The following LARP7 variants were observed in gnomAD, a reference collection of about 807,000 sequenced individuals.
The protein encoded by LARP7 is La ribonucleoprotein 7, transcriptional regulator.
In LARP7, 52 loss-of-function variants were observed where a neutral mutation model predicts 69.3. The ratio of observed to expected loss-of-function variants is 0.75; its 90% CI spans 0.60 to 0.95. LARP7 has a LOEUF of 0.95. Among genes scored for constraint, LARP7 ranks in the 40% least tolerant of loss-of-function variants. LARP7 has a pLI of 0.00. For synonymous variants in LARP7, 254 were observed against 215.9 expected (o/e 1.18, Z -1.55); for missense variants, 733 against 673.0 (o/e 1.09, Z -0.99).
intron 10 of LARP7, 118 bp downstream of exon 10, chr4:112,650,700 T>G: frequency 4.7e-6 from 5 of 1,069,182 alleles, no homozygotes; most frequent in Non-Finnish European, 6.6e-6. Flanking sequence ...TTCCCTATGG[T>G]AAACTACTGT....
In LARP7 at chr4:112,646,967, T is replaced by C; in HGVS notation, c.552+12T>C. Reference sequence around the variant, plus strand: ...CAAAAGCAATTGAGGTAAGTCCAGATCCTAAAAAAAAAAAAAGAAAGAAAA... The same window carrying C: ...CAAAAGCAATTGAGGTAAGTCCAGACCCTAAAAAAAAAAAAAGAAAGAAAA... On this transcript the variant is annotated intron_variant, in intron 5 of 12. Transcript: ENST00000344442. The C allele has an allele frequency of 6.4e-7, 1 of 1,571,448 alleles. No homozygotes were observed. Among genetic ancestry groups the C allele is most frequent in the Non-Finnish European group, 8.6e-7 (1 of 1,168,976 alleles).
intron 2 of LARP7, among the ~76,000 whole-genome samples, 158 bp from the exon 3 acceptor site, chr4:112,646,193 G>A (rs564880777): frequency 9.9e-5 from 15 of 152,144 alleles, no homozygotes; most frequent in Non-Finnish European, 1.9e-4. Flanking sequence ...TGGCCAGGCT[G>A]GTCTTGAACT....
intron 11 of LARP7, 127 bp downstream of exon 11, chr4:112,653,363 A>G (rs1181294161): frequency 4.5e-5 from 29 of 643,046 alleles, no homozygotes; most frequent in African/African-American, 9.5e-5. Flanking sequence ...AGGCTGGAGT[A>G]CAGTGGTGTG....
rs754363057 is a variant in LARP7 at position 112,646,356 on chromosome 4, G to A, written c.208G>A (p.Asp70Asn). The A allele has an allele frequency of 4.2e-6, 6 of 1,424,744 alleles. No individual in the cohort carries two copies. The highest frequency in any genetic ancestry group is 5.9e-6 in the Non-Finnish European group (6 of 1,016,386). The allele number at this position is 1,424,744 out of a possible 1,614,324, so 88.3% of individuals were successfully genotyped here. The change falls in exon 3 of 13, where the codon GAT becomes AAT. Residue 70 changes from aspartate to asparagine, a missense_variant. Physicochemically the swap from Asp to Asn is conservative, Grantham distance 23 (BLOSUM62 1). Coordinates refer to ENST00000344442, the MANE Select transcript of LARP7 (RefSeq NM_016648.4). ...AACTTTTTCATTTTCTTTAGATGTTGATATATCACTACTTGTGTCTTTTAA... is the reference window on the plus strand; with the variant it reads ...AACTTTTTCATTTTCTTTAGATGTTAATATATCACTACTTGTGTCTTTTAA... ...QIEKSRDGYV[D>N]ISLLVSFNKM... is the part of the protein sequence containing the mutation.
At chr4:112,657,062 T>C (rs368961652) in intron 12 of LARP7, among the ~76,000 whole-genome samples, 185 bp from the exon 13 acceptor site, 8 of 152,184 alleles carry the variant, frequency 5.3e-5, no homozygotes, top group South Asian at 2.1e-4. Context: ...CAGATTTGAT[T>C]TGTAATTGAT....
intron 8 of LARP7, chr4:112,648,546 G>C (rs1413992790): frequency 7.6e-6 from 4 of 526,978 alleles, no homozygotes; most frequent in Middle Eastern, 3.2e-4. Context: ...CCATGTTAAA[G>C]TTGAAGGGAG....
At chr4:112,653,054 C>T (rs2048815396) in intron 10 of LARP7, 23 bp from the exon 11 acceptor site, 2 of 1,545,392 alleles carry the variant, frequency 1.3e-6, no homozygotes, top group East Asian at 2.3e-5. Context: ...TTTTATTTGT[C>T]TTTCTACTTA....
rs1326118971 is a variant in LARP7, at chr4:112,644,771, G to T, written c.102G>T (p.Val34=). 6.2e-7 allele frequency: 1 copy of T among 1,608,514 alleles called. No individual in the cohort carries two copies. The highest frequency in any genetic ancestry group is 1.7e-5 in the Admixed American group (1 of 59,800). The change falls in exon 2 of 13, where the codon GTG becomes GTT. Residue 34 remains valine (V), a synonymous_variant. Transcript: ENST00000344442. The stretch of plus-strand genomic sequence containing the variant: ...AGAAACGGTCACGAGTTAAACAGGT[G>T]CTTGCAGATATTGCTAAGCAAGTGG... ...EKKKRSRVKQ[V]LADIAKQVDF...
chr4:112,641,293 G>T (rs2149250508), intron 1 of LARP7, among the ~76,000 whole-genome samples: 1 of 151,936 alleles, frequency 6.6e-6, no homozygotes, highest in East Asian at 1.9e-4. Flanking sequence ...GGGAGTTAAG[G>T]CAGGAGAATC....
chr4:112,648,852 T>TG (rs889082748), intron 8 of LARP7: 2 of 35,520 alleles, frequency 5.6e-5, no homozygotes, highest in Non-Finnish European at 1.3e-4. Flanking sequence ...GTCTGGATCC[T>TG]TTTTTTTTTT....
In LARP7 at chr4:112,657,242, TTTAG is replaced by T. The variant is rs778909076; in HGVS notation, c.1669-1_1671del. 5.8e-6 allele frequency: 9 copies of T among 1,540,866 alleles called. No homozygotes were observed. The highest frequency in any genetic ancestry group is 2.7e-5 in the African/African-American group (2 of 73,046). ...CATTTTAATTTTTGATTTATTTCTC[TTTAG>T]TTAATCACCAAAGCTGAAAAGATTA... On this transcript the variant is annotated splice_acceptor_variant and splice_polypyrimidine_tract_variant and intron_variant, in intron 12 of 12. Transcript: ENST00000344442. LOFTEE classifies it high-confidence loss of function.
Position 112,645,317 on chromosome 4 carries a change from T to C in LARP7, c.202+446T>C, listed in dbSNP as rs2048138158. ...TCCGTGTAATCTGTTCTAATTTTTA[T>C]TTAGTGAATGACAATCTTCTAAATA... On this transcript the variant is annotated intron_variant, in intron 2 of 12. Transcript: ENST00000344442. 3.3e-5 allele frequency among the ~76,000 whole-genome samples: 5 copies of C among 152,302 alleles called. No individual in the cohort carries two copies. The South Asian group carries it at 1.0e-3, about 32-fold the overall frequency.
intron 5 of LARP7, 23 bp from the exon 6 acceptor site, chr4:112,647,011 A>G: frequency 1.9e-6 from 3 of 1,587,702 alleles, no homozygotes; most frequent in Non-Finnish European, 2.6e-6. Flanking sequence ...GTATTAAAAT[A>G]GTAACTTTTG....
rs770149417 is a variant in LARP7, at chr4:112,644,881, C to T, written c.202+10C>T. On this transcript the variant is annotated intron_variant, in intron 2 of 12. Coordinates refer to ENST00000344442, the MANE Select transcript of LARP7 (RefSeq NM_016648.4). Reference sequence around the variant, plus strand: ...AAATCTAGAGATGGATGTAAGTTTGCTTCAGTAAAGGAACCAATTTTTAGA... The same window carrying T: ...AAATCTAGAGATGGATGTAAGTTTGTTTCAGTAAAGGAACCAATTTTTAGA... The T allele has an allele frequency of 1.9e-5, 28 of 1,508,242 alleles. 1 individual carries two copies. The highest frequency in any genetic ancestry group is 2.7e-5 in the South Asian group (2 of 75,164). 93.4% of individuals were successfully genotyped at this position (1,508,242 alleles called of 1,614,324 possible).
At chr4:112,640,552 T>C (rs1385937715) in intron 1 of LARP7, among the ~76,000 whole-genome samples, 2 of 152,126 alleles carry the variant, frequency 1.3e-5, no homozygotes, top group East Asian at 3.9e-4. Context: ...AAACAAAAAT[T>C]AGCAGGGTGT....
intron 6 of LARP7, 30 bp downstream of exon 6, chr4:112,647,157 T>TAG: frequency 6.3e-7 from 1 of 1,595,764 alleles, no homozygotes; most frequent in Non-Finnish European, 8.5e-7. Flanking sequence ...TAAATAGGTG[T>TAG]AGTTGAAGTA....
At position 112,647,145 on chromosome 4, in the gene LARP7, T is replaced by A. The variant is rs546316084; in HGVS notation, c.646+18T>A. 6.3e-7 allele frequency: 1 copy of A among 1,599,214 alleles called. No homozygotes were observed. Among genetic ancestry groups the A allele is most frequent in the African/African-American group, 1.4e-5 (1 of 73,708 alleles). The stretch of plus-strand genomic sequence containing the variant: ...AGTTGTGGGTGAGTATTTTTCAATA[T>A]TTAAATAGGTGTAGTTGAAGTAAGA... On this transcript the variant is annotated intron_variant, in intron 6 of 12. Transcript: ENST00000344442.
At chr4:112,637,856 G>A (rs1267725680) in intron 1 of LARP7, 2 of 152,252 alleles carry the variant, frequency 1.3e-5, no homozygotes, top group East Asian at 3.8e-4. Flanking sequence ...TTCAGACAAA[G>A]CAGAACACAC....
chr4:112,642,722 C>T (rs931939602), intron 1 of LARP7, among the ~76,000 whole-genome samples: 3 of 152,180 alleles, frequency 2.0e-5, no homozygotes, highest in Non-Finnish European at 4.4e-5. Context: ...TTTTTTCTCC[C>T]ATTTACCCAC....
Sources: gnomAD v4.1 joint callset for allele counts (sites outside exome capture counted in the v4.1 genomes callset) on GRCh38, gnomAD v4.1.1 for gene constraint, MANE v1.5 for transcripts, NCBI Gene and HGNC (gene_info 2026-07-23, HGNC 2026-07-21) for gene names.